The following CA10 variants were observed in gnomAD, a reference collection of about 807,000 sequenced individuals.
CA10 encodes carbonic anhydrase 10 (inactive), also known as carbonic anhydrase-related protein 10.
Under a neutral mutation model 44.2 loss-of-function variants are expected in CA10, and 14 were observed. The observed-to-expected ratio is 0.32, with a 90% CI of 0.21 to 0.50. CA10 has a LOEUF of 0.50. CA10 is among the 20% of genes least tolerant of loss of function. CA10 has a pLI of 0.99. For synonymous variants in CA10, 159 were observed against 141.6 expected, an observed-to-expected ratio of 1.12 and a Z score of -0.87; for missense variants, 350 against 409.7, an observed-to-expected ratio of 0.85 and a Z score of 1.26.
chr17:52,150,209 C>T (rs1598241688), intron 1 of CA10, among the ~76,000 whole-genome samples: 1 of 152,134 alleles, frequency 6.6e-6, no homozygotes, highest in Admixed American at 6.5e-5. Flanking sequence ...TCTTCCACGA[C>T]AACTCTTTAA....
chr17:51,813,802 A>T (rs1045596777), intron 3 of CA10, among the ~76,000 whole-genome samples: 23 of 150,926 alleles, frequency 1.5e-4, no homozygotes, highest in African/African-American at 4.8e-4. Flanking sequence ...CAGGTATTAT[A>T]AAAAAAATTC....
chr17:52,133,350 C>G (rs1247662245), intron 1 of CA10, among the ~76,000 whole-genome samples: 1 of 152,216 alleles, frequency 6.6e-6, no homozygotes, highest in East Asian at 1.9e-4. Flanking sequence ...CACAGAAGGC[C>G]TTTAAATGTC....
intron 3 of CA10, among the ~76,000 whole-genome samples, chr17:51,790,459 C>A (rs1189899598): frequency 6.6e-6 from 1 of 152,218 alleles, no homozygotes; most frequent in Non-Finnish European, 1.5e-5. Context: ...ATGATTCACC[C>A]TCCTGACCTG....
chr17:51,996,506 G>A (rs910319958), intron 2 of CA10, among the ~76,000 whole-genome samples: 3 of 151,692 alleles, frequency 2.0e-5, no homozygotes, highest in East Asian at 1.9e-4. Context: ...CAATCTCCTC[G>A]ACATGGCCCA....
intron 3 of CA10, 125 bp from the exon 4 acceptor site, chr17:51,747,943 G>C (rs1237807901): frequency 4.4e-6 from 3 of 682,992 alleles, no homozygotes; most frequent in African/African-American, 1.8e-5. Context: ...AAATCCACAT[G>C]TGGAGTAGGG....
intron 3 of CA10, among the ~76,000 whole-genome samples, chr17:51,784,188 G>T (rs936484794): frequency 6.6e-6 from 1 of 152,172 alleles, no homozygotes; most frequent in Admixed American, 6.5e-5. Flanking sequence ...AACTCTGGGA[G>T]TTCTCAGAGG....
intron 3 of CA10, among the ~76,000 whole-genome samples, chr17:51,916,632 G>A (rs1982008760): frequency 1.3e-5 from 2 of 152,140 alleles, no homozygotes; most frequent in Admixed American, 6.5e-5. Flanking sequence ...GGAACTGTAG[G>A]TCCATTGAAC....
intron 4 of CA10, among the ~76,000 whole-genome samples, chr17:51,708,014 A>G (rs1414982060): frequency 6.6e-6 from 1 of 152,234 alleles, no homozygotes; most frequent in African/African-American, 2.4e-5. Flanking sequence ...ATCTGGAAGT[A>G]GAAGTGAGTG....
At chr17:52,083,417 ATGTT>A (rs1416940335) in intron 1 of CA10, among the ~76,000 whole-genome samples, 7 of 152,196 alleles carry the variant, frequency 4.6e-5, no homozygotes, top group Non-Finnish European at 7.3e-5. Context: ...TTTTTAAAAA[ATGTT>A]TATTTGTATA....
chr17:51,998,903 C>T (rs1011076248), intron 2 of CA10, among the ~76,000 whole-genome samples: 1 of 152,004 alleles, frequency 6.6e-6, no homozygotes, highest in Non-Finnish European at 1.5e-5. Context: ...TTCCACTTCA[C>T]ATAAACTGGA....
intron 4 of CA10, among the ~76,000 whole-genome samples, chr17:51,708,429 C>A (rs1278337085): frequency 6.6e-6 from 1 of 152,106 alleles, no homozygotes; most frequent in Non-Finnish European, 1.5e-5. Context: ...TTTTTGCATC[C>A]TCATGTTGAG....
At position 51,858,322 on chromosome 17, in the gene CA10, G is replaced by A. The variant is rs541993222; in HGVS notation, c.279+72668C>T. On this transcript the variant is annotated intron_variant, in intron 3 of 8. Coordinates refer to ENST00000451037, the MANE Select transcript of CA10 (RefSeq NM_020178.5). ...CTTCATTTTATACTGAGAAGGCATGGGTGCAATTTACCTGCAGGCCATTTT... is the reference window on the plus strand; with the variant it reads ...CTTCATTTTATACTGAGAAGGCATGAGTGCAATTTACCTGCAGGCCATTTT... 9.9e-5 allele frequency among the ~76,000 whole-genome samples: 15 copies of A among 152,132 alleles called. No homozygotes were observed. In the South Asian group the frequency reaches 3.1e-3, roughly 32 times the overall value.
At chr17:52,151,634 T>G (rs540837074) in intron 1 of CA10, among the ~76,000 whole-genome samples, 1 of 152,264 alleles carries the variant, frequency 6.6e-6, no homozygotes, top group African/African-American at 2.4e-5. Flanking sequence ...AATGATTAAA[T>G]AATTAATTGG....
chr17:52,105,923 T>C lies in CA10; in HGVS notation c.62-33530A>G, dbSNP rs142126951. Among the ~76,000 whole-genome samples the C allele has an allele frequency of 3.7e-3, 565 of 152,332 alleles. 3 individuals are homozygous for C. Among genetic ancestry groups the C allele is most frequent in the South Asian group, 0.028 (137 of 4,826 alleles). Reference sequence around the variant, plus strand: ...GAAATATTGCATGAAAAGTGTTTAGTAGAGCCCTAGTACATAGTAAATGCT... The same window carrying C: ...GAAATATTGCATGAAAAGTGTTTAGCAGAGCCCTAGTACATAGTAAATGCT... On this transcript the variant is annotated intron_variant, in intron 1 of 8. Coordinates refer to ENST00000451037, the MANE Select transcript of CA10 (RefSeq NM_020178.5).
In CA10 at chr17:51,863,098, A is replaced by G. The variant is rs558749817; in HGVS notation, c.279+67892T>C. 2.8e-4 allele frequency among the ~76,000 whole-genome samples: 42 copies of G among 152,342 alleles called. No individual in the cohort carries two copies. The South Asian group carries it at 2.9e-3, about 11-fold the overall frequency. Reference sequence around the variant, plus strand: ...TCTAAATCTCATTTACTTCACTGGAAAATATGAACCACAATAACTTCTCGA... The same window carrying G: ...TCTAAATCTCATTTACTTCACTGGAGAATATGAACCACAATAACTTCTCGA... On this transcript the variant is annotated intron_variant, in intron 3 of 8. Coordinates refer to ENST00000451037, the MANE Select transcript of CA10 (RefSeq NM_020178.5).
intron 4 of CA10, among the ~76,000 whole-genome samples, chr17:51,718,895 A>T (rs763355898): frequency 6.6e-6 from 1 of 152,146 alleles, no homozygotes; most frequent in Admixed American, 6.5e-5. Context: ...AGAAAAAAAC[A>T]CTTTGTTTTT....
intron 2 of CA10, among the ~76,000 whole-genome samples, chr17:52,069,753 T>C (rs1469732976): frequency 2.0e-5 from 3 of 152,226 alleles, no homozygotes; most frequent in Non-Finnish European, 4.4e-5. Flanking sequence ...GTACTCACCA[T>C]TGTTATAGAG....
chr17:52,128,093 C>G (rs146673057), intron 1 of CA10, among the ~76,000 whole-genome samples: 1,604 of 152,300 alleles, frequency 0.011, 9 homozygotes, highest in Admixed American at 0.015. Flanking sequence ...AAATCTGAAT[C>G]TGGGCTGGGT....
At chr17:52,034,984 G>T (rs146624410) in intron 2 of CA10, among the ~76,000 whole-genome samples, 16 of 152,230 alleles carry the variant, frequency 1.1e-4, no homozygotes, top group African/African-American at 3.9e-4. Flanking sequence ...CACAACAAAA[G>T]AACTGTATAA....
Sources: allele counts gnomAD v4.1 joint callset (sites outside exome capture counted in the v4.1 genomes callset), GRCh38; gene constraint gnomAD v4.1.1; transcripts MANE v1.5; gene names NCBI Gene and HGNC (gene_info 2026-07-23, HGNC 2026-07-21).